SMOC2: variants seen among roughly 807,000 people sequenced by gnomAD.
The protein encoded by SMOC2 is SPARC-related modular calcium-binding protein 2.
A neutral mutation model predicts 61.4 loss-of-function variants in SMOC2; 39 were observed. The ratio of observed to expected loss-of-function variants is 0.64; its 90% CI spans 0.49 to 0.83. SMOC2 has a LOEUF of 0.83. Ranked by LOEUF, SMOC2 falls within the 40% of genes least tolerant of loss-of-function variation. SMOC2 has a pLI of 0.00. For missense variants in SMOC2, 556 were observed against 592.9 expected, an observed-to-expected ratio of 0.94 and a Z score of 0.65; for synonymous variants, 247 against 239.9, an observed-to-expected ratio of 1.03 and a Z score of -0.27.
At chr6:168,582,811 G>A (rs1233630160) in intron 7 of SMOC2, among the ~76,000 whole-genome samples, 2 of 152,186 alleles carry the variant, frequency 1.3e-5, no homozygotes, top group Non-Finnish European at 2.9e-5. Context: ...CAGCTCAAAC[G>A]AACCGACACG....
At chr6:168,609,908 G>C (rs1250525121) in intron 9 of SMOC2, among the ~76,000 whole-genome samples, 1 of 152,196 alleles carries the variant, frequency 6.6e-6, no homozygotes, top group Non-Finnish European at 1.5e-5. Context: ...ATTTATGGAA[G>C]TCAGTTTCGC....
In SMOC2 at chr6:168,553,743, CG is replaced by C. The variant is rs762075885; in HGVS notation, c.637+4543del. Among the ~76,000 whole-genome samples, 1 of 152,200 alleles carries C rather than the reference CG, an allele frequency of 6.6e-6. No individual in the cohort carries two copies. Among genetic ancestry groups the C allele is most frequent in the Admixed American group, 6.5e-5 (1 of 15,282 alleles). On this transcript the variant is annotated intron_variant, in intron 7 of 12. Coordinates refer to ENST00000356284, the MANE Select transcript of SMOC2 (RefSeq NM_001166412.2). The surrounding 1 kb of genome is among the most constrained non-coding windows in gnomAD (Gnocchi z 4.2). ...TGGGGCGAGGAGGCATCCAGGCTCA[CG>C]GGACGGTTTCTGTATCACGGTTGCC...
intron 2 of SMOC2, among the ~76,000 whole-genome samples, chr6:168,512,790 G>A (rs1783038676): frequency 6.6e-6 from 1 of 152,146 alleles, no homozygotes; most frequent in African/African-American, 2.4e-5. Context: ...TATGGCCTGA[G>A]GGAGTGCCAG....
At chr6:168,604,730 C>G (rs906925432) in intron 8 of SMOC2, among the ~76,000 whole-genome samples, 1 of 152,188 alleles carries the variant, frequency 6.6e-6, no homozygotes, top group Non-Finnish European at 1.5e-5. Flanking sequence ...TATGTGACCT[C>G]TCTTATCCTC....
intron 2 of SMOC2, among the ~76,000 whole-genome samples, chr6:168,518,839 A>G (rs1434572602): frequency 1.4e-5 from 2 of 147,076 alleles, no homozygotes; most frequent in East Asian, 4.1e-4. Flanking sequence ...ATGAGTGTGC[A>G]TGCGTGTGTG....
At chr6:168,476,417 A>T (rs551997681) in intron 1 of SMOC2, among the ~76,000 whole-genome samples, 1 of 152,100 alleles carries the variant, frequency 6.6e-6, no homozygotes, top group African/African-American at 2.4e-5. Flanking sequence ...CTACTAAGAG[A>T]TTAAACATTT....
At chr6:168,616,147 G>T (rs1786087084) in intron 9 of SMOC2, among the ~76,000 whole-genome samples, 2 of 152,210 alleles carry the variant, frequency 1.3e-5, no homozygotes, top group Non-Finnish European at 2.9e-5. Flanking sequence ...CACTAAAAAT[G>T]TCTACTTCTG....
At chr6:168,486,042 G>T (rs190808541) in intron 1 of SMOC2, among the ~76,000 whole-genome samples, 2 of 152,250 alleles carry the variant, frequency 1.3e-5, no homozygotes, top group East Asian at 1.9e-4. Flanking sequence ...CTTTTGCATC[G>T]TTGTGTACCG....
At chr6:168,462,084 G>C (rs1781731226) in intron 1 of SMOC2, among the ~76,000 whole-genome samples, 1 of 152,006 alleles carries the variant, frequency 6.6e-6, no homozygotes. Flanking sequence ...TCCTTGTCCA[G>C]ATCAACTGAG....
intron 7 of SMOC2, among the ~76,000 whole-genome samples, chr6:168,589,562 G>A (rs1198084506): frequency 2.6e-5 from 4 of 152,260 alleles, no homozygotes; most frequent in African/African-American, 4.8e-5. Flanking sequence ...GAGGGAACCT[G>A]TGGGTTCTGT....
chr6:168,486,354 T>A (rs936515986), intron 1 of SMOC2, among the ~76,000 whole-genome samples: 3 of 152,090 alleles, frequency 2.0e-5, no homozygotes, highest in African/African-American at 4.8e-5. Context: ...CTCTACACAC[T>A]CTACACTGCT....
chr6:168,482,246 A>G (rs547398453), intron 1 of SMOC2, among the ~76,000 whole-genome samples: 3 of 152,136 alleles, frequency 2.0e-5, no homozygotes, highest in Admixed American at 2.0e-4. Flanking sequence ...GAACAGTACT[A>G]CCAACTCTAC....
At chr6:168,545,954 TTTATTG>T (rs951489584) in intron 5 of SMOC2, among the ~76,000 whole-genome samples, 9 of 152,206 alleles carry the variant, frequency 5.9e-5, no homozygotes. Context: ...ATATTCCTAG[TTTATTG>T]TTATTATCAG....
intron 7 of SMOC2, among the ~76,000 whole-genome samples, chr6:168,597,382 G>C (rs1339304336): frequency 6.6e-6 from 1 of 152,312 alleles, no homozygotes; most frequent in South Asian, 2.1e-4. Context: ...AATTTATTGA[G>C]TGCCTATTAC....
chr6:168,482,582 C>T (rs1401944673), intron 1 of SMOC2, among the ~76,000 whole-genome samples: 1 of 152,004 alleles, frequency 6.6e-6, no homozygotes, highest in Non-Finnish European at 1.5e-5. Flanking sequence ...GATTCCAATG[C>T]CAGACAAAGA....
chr6:168,459,967 T>C (rs1781684978), intron 1 of SMOC2, among the ~76,000 whole-genome samples: 1 of 152,202 alleles, frequency 6.6e-6, no homozygotes, highest in South Asian at 2.1e-4. Flanking sequence ...CGCTCAATCA[T>C]GTTTCCTTCA....
intron 1 of SMOC2, among the ~76,000 whole-genome samples, chr6:168,497,625 G>A (rs191477115): frequency 5.3e-5 from 8 of 152,246 alleles, no homozygotes; most frequent in East Asian, 3.9e-4. Context: ...GGAACGTACC[G>A]TTCTCTGGAC....
At chr6:168,645,966 C>G (rs890766403) in intron 9 of SMOC2, among the ~76,000 whole-genome samples, 2 of 152,200 alleles carry the variant, frequency 1.3e-5, no homozygotes, top group Non-Finnish European at 2.9e-5. Flanking sequence ...CCTGCGTGCA[C>G]ACACCACTCC....
chr6:168,575,551 C>G (rs994452922), intron 7 of SMOC2, among the ~76,000 whole-genome samples: 2 of 152,154 alleles, frequency 1.3e-5, no homozygotes, highest in African/African-American at 4.8e-5. Flanking sequence ...GGGAGCTCCT[C>G]GCAGGGGGTG....
Sources: gnomAD v4.1 joint callset for allele counts (sites outside exome capture counted in the v4.1 genomes callset) on GRCh38, gnomAD v4.1.1 for gene constraint, Gnocchi (gnomAD v3.1) non-coding constraint, MANE v1.5 for transcripts, NCBI Gene and HGNC (gene_info 2026-07-23, HGNC 2026-07-21) for gene names.